Variants in PARP9 observed in about 807,000 individuals in gnomAD.
PARP9 encodes the protein poly(ADP-ribose) polymerase family member 9.
In PARP9, 48 loss-of-function variants were observed where a neutral mutation model predicts 68.8. That is an observed-to-expected ratio of 0.70 (90% CI 0.55 to 0.89). The LOEUF (loss-of-function observed/expected upper bound fraction) is 0.89. PARP9 is among the 40% of genes least tolerant of loss of function. The probability of loss-of-function intolerance (pLI) is 0.00; values close to 1 mark genes in which losing one functional copy is unlikely to be tolerated. For synonymous variants in PARP9, 309 were observed against 333.8 expected (o/e 0.93, Z 0.81); for missense variants, 806 against 969.3 (o/e 0.83, Z 2.24).
chr3:122,552,562 T>C lies in PARP9; in HGVS notation c.963A>G (p.Ala321=). 6.2e-7 allele frequency: 1 copy of C among 1,614,126 alleles called. No homozygotes were observed. Residue 321 remains alanine (A), a synonymous_variant, in exon 5 of 11, where the codon GCA becomes GCG. Coordinates refer to ENST00000682323, the MANE Select transcript of PARP9 (RefSeq NM_001146105.2). ...GAAATTCCGATTTCATTTCAACTCC[T>C]GCTTGTTGTAGAATTGACTTTGCCA... ...GPVAKSILQQ[A]GVEMKSEFLA... is the part of the protein sequence containing the mutation.
At chr3:122,554,744 T>A (rs1293622619) in intron 4 of PARP9, among the ~76,000 whole-genome samples, 1 of 152,280 alleles carries the variant, frequency 6.6e-6, no homozygotes, top group East Asian at 1.9e-4. Flanking sequence ...ATTATTATTA[T>A]TTTTAGAGTC....
intron 1 of PARP9, 49 bp downstream of exon 1, chr3:122,564,196 C>A: frequency 5.9e-6 from 3 of 507,280 alleles, no homozygotes; most frequent in Non-Finnish European, 1.0e-5. Flanking sequence ...CCACCTCGAG[C>A]CTGCAGGAGA....
Position 122,547,292 on chromosome 3 carries a change from A to C in PARP9, c.1327-1803T>G, listed in dbSNP as rs555382464. On this transcript the variant is annotated intron_variant, in intron 6 of 10. Transcript: ENST00000682323. The stretch of plus-strand genomic sequence containing the variant: ...GTATTTTTAGTAGAGCTGGGGTTTC[A>C]CCATGTTGGCCAGACTGGTCTCGAA... Among the ~76,000 whole-genome samples the C allele has an allele frequency of 2.7e-5, 4 of 150,446 alleles. No individual in the cohort carries two copies. In the East Asian group the frequency reaches 7.9e-4, roughly 30 times the overall value.
intron 10 of PARP9, chr3:122,534,710 TA>T (rs1191250339): frequency 2.1e-4 from 41 of 199,710 alleles, no homozygotes; most frequent in Non-Finnish European, 3.5e-4. Context: ...TCGTCTCTAC[TA>T]AAAAAAATAC....
Position 122,536,500 on chromosome 3 carries a change from C to G in PARP9, c.1906-158G>C, listed in dbSNP as rs1004171888. On this transcript the variant is annotated intron_variant, in intron 9 of 10. Coordinates refer to ENST00000682323, the MANE Select transcript of PARP9 (RefSeq NM_001146105.2). ...AGTTGCAAAAGAGTCTCTCCTCCCT[C>G]TAATCCTCTCCTATTTTGATTCGTT... 12 of 1,285,010 alleles carry G rather than the reference C, an allele frequency of 9.3e-6. No individual in the cohort carries two copies. In the African/African-American group the frequency reaches 1.1e-4, roughly 11 times the overall value. 79.6% of individuals were successfully genotyped at this position (1,285,010 alleles called of 1,614,324 possible).
At chr3:122,534,402 A>G (rs2077498057) in intron 10 of PARP9, 1 of 985,360 alleles carries the variant, frequency 1.0e-6, no homozygotes, top group Non-Finnish European at 1.2e-6. Context: ...GTTTTACAAC[A>G]TGGAATAGGG....
rs139014319 is a variant in PARP9, at chr3:122,528,079, A to T, written c.*285T>A. On this transcript the variant is annotated 3_prime_UTR_variant, in exon 11 of 11. Coordinates refer to ENST00000682323, the MANE Select transcript of PARP9 (RefSeq NM_001146105.2). ...TATACTAGAAAAATTTCTTCATTAT[A>T]TGCAAAATATTTATCTCCTCTAGTA... 1.5e-4 allele frequency: 35 copies of T among 239,320 alleles called. No homozygotes were observed. In the East Asian group the frequency reaches 2.8e-3, roughly 19 times the overall value. The allele number at this position is 239,320 out of a possible 1,614,324, so 14.8% of individuals were successfully genotyped here.
chr3:122,534,648 G>T, intron 10 of PARP9: 1 of 202,716 alleles, frequency 4.9e-6, no homozygotes, highest in Non-Finnish European at 8.8e-6. Context: ...GGGAGGCTGA[G>T]GTGGACGGAT....
chr3:122,562,339 C>G (rs747629616), intron 1 of PARP9, among the ~76,000 whole-genome samples: 3 of 149,446 alleles, frequency 2.0e-5, no homozygotes, highest in Admixed American at 6.7e-5. Flanking sequence ...CCCACCACCA[C>G]GCCTGGCTAA....
intron 10 of PARP9, among the ~76,000 whole-genome samples, chr3:122,530,176 C>CA (rs11295677): frequency 0.015 from 1,217 of 81,948 alleles, 15 homozygotes; most frequent in African/African-American, 0.035. Flanking sequence ...GGCCCTGTCT[C>CA]AAAAAAAAAA....
Position 122,563,007 on chromosome 3 carries a change from G to A in PARP9, c.-90+1238C>T, listed in dbSNP as rs1002029057. ...AGTATATGCAGTTGTAATTCTGACA[G>A]TATTGCCAAATTGTTCACAGTAAAG... On this transcript the variant is annotated intron_variant, in intron 1 of 10. Transcript: ENST00000682323. Among the ~76,000 whole-genome samples, 4 of 152,162 alleles carry A rather than the reference G, an allele frequency of 2.6e-5. 1 individual carries two copies. In the South Asian group the frequency reaches 8.3e-4, roughly 32 times the overall value.
intron 1 of PARP9, among the ~76,000 whole-genome samples, chr3:122,561,098 C>T (rs2080165324): frequency 6.6e-6 from 1 of 152,194 alleles, no homozygotes; most frequent in Non-Finnish European, 1.5e-5. Flanking sequence ...AGTGGACTCT[C>T]CTTCTGTCCA....
chr3:122,559,633 C>T lies in PARP9; in HGVS notation c.-13G>A, dbSNP rs201818862. On this transcript the variant is annotated 5_prime_UTR_variant, in exon 2 of 11. Coordinates refer to ENST00000682323, the MANE Select transcript of PARP9 (RefSeq NM_001146105.2). ...TGGAAAAGTCCATCCTCCAGGTCCC[C>T]GGGGGAGTCTTTAAATGTTTATTCC... 1.4e-5 allele frequency: 22 copies of T among 1,586,860 alleles called. No homozygotes were observed. Among genetic ancestry groups the T allele is most frequent in the East Asian group, 2.3e-5 (1 of 44,210 alleles).
chr3:122,535,717 G>T lies in PARP9; in HGVS notation c.2080+451C>A, dbSNP rs1341429774. The T allele has an allele frequency of 5.0e-6, 5 of 994,898 alleles. No homozygotes were observed. In the African/African-American group the frequency reaches 7.0e-5, roughly 14 times the overall value. The allele number at this position is 994,898 out of a possible 1,614,324, so 61.6% of individuals were successfully genotyped here. On this transcript the variant is annotated intron_variant, in intron 10 of 10. Coordinates refer to ENST00000682323, the MANE Select transcript of PARP9 (RefSeq NM_001146105.2). ...ATGATACCTAATTCATTCACTAGCA[G>T]GCTATAGGAAACAAAGGGATGAAAG... is the stretch of plus-strand genomic sequence containing the variant.
intron 10 of PARP9, chr3:122,535,131 G>T: frequency 1.0e-6 from 1 of 984,716 alleles, no homozygotes; most frequent in Non-Finnish European, 1.2e-6. Flanking sequence ...AGTAGTGGGT[G>T]GGGATTGCAG....
At chr3:122,558,299 G>A in intron 3 of PARP9, 135 bp downstream of exon 3, 1 of 1,606,686 alleles carries the variant, frequency 6.2e-7, no homozygotes, top group Non-Finnish European at 8.5e-7. Context: ...GCATGTGCGG[G>A]GGTCCCCACA....
intron 7 of PARP9, among the ~76,000 whole-genome samples, chr3:122,544,823 C>T (rs1196241673): frequency 6.6e-6 from 1 of 152,038 alleles, no homozygotes; most frequent in Non-Finnish European, 1.5e-5. Flanking sequence ...GTGACAGAGT[C>T]AGAACTTGTC....
chr3:122,538,065 G>A (rs955601175), intron 8 of PARP9, among the ~76,000 whole-genome samples: 3 of 152,166 alleles, frequency 2.0e-5, no homozygotes, highest in Non-Finnish European at 4.4e-5. Context: ...AGCAGGTGAC[G>A]AATTGAGGGG....
At chr3:122,539,515 C>A (rs937121640) in intron 8 of PARP9, among the ~76,000 whole-genome samples, 5 of 23,182 alleles carry the variant, frequency 2.2e-4, no homozygotes, top group South Asian at 1.4e-3. Context: ...GCATTTCTTT[C>A]TTTCTTTCTT....
Sources: allele counts gnomAD v4.1 joint callset (sites outside exome capture counted in the v4.1 genomes callset), GRCh38; gene constraint gnomAD v4.1.1; transcripts MANE v1.5; gene names NCBI Gene and HGNC (gene_info 2026-07-23, HGNC 2026-07-21).